MARCHF8: variants seen among roughly 807,000 people sequenced by gnomAD.
The protein encoded by MARCHF8 is E3 ubiquitin-protein ligase MARCHF8.
In MARCHF8, 40 loss-of-function variants were observed where a neutral mutation model predicts 51.6. The observed-to-expected ratio is 0.77, with a 90% CI of 0.60 to 1.01. The LOEUF (loss-of-function observed/expected upper bound fraction) is 1.01, where lower values mean the gene tolerates loss of function less well. Ranked by LOEUF, MARCHF8 falls within the 50% of genes least tolerant of loss-of-function variation. MARCHF8 has a pLI of 0.00. For missense variants in MARCHF8, 685 were observed against 708.6 expected (o/e 0.97, Z 0.38); for synonymous variants, 263 against 280.3 (o/e 0.94, Z 0.62).
intron 2 of MARCHF8, among the ~76,000 whole-genome samples, chr10:45,497,790 C>T (rs994799513): frequency 1.4e-4 from 22 of 152,044 alleles, no homozygotes; most frequent in African/African-American, 4.8e-4. Context: ...TAAAATAGTG[C>T]TTAGGGGGAT....
chr10:45,466,399 T>C (rs1332638349), intron 3 of MARCHF8, among the ~76,000 whole-genome samples: 2 of 152,208 alleles, frequency 1.3e-5, no homozygotes, highest in African/African-American at 2.4e-5. Context: ...TCACGGTGTA[T>C]TGCAGAGAAG....
chr10:45,458,000 T>C lies in MARCHF8; in HGVS notation c.*239A>G. 1 of 499,626 alleles carries C rather than the reference T, an allele frequency of 2.0e-6. No homozygotes were observed. The highest frequency in any genetic ancestry group is 3.5e-6 in the Non-Finnish European group (1 of 287,602). 30.9% of individuals were successfully genotyped at this position (499,626 alleles called of 1,614,324 possible). Reference sequence around the variant, plus strand: ...GGAACTCTGCTGGCTCCCCATGATGTCATCATGGGGTCTTCCACTTTCCCA... The same window carrying C: ...GGAACTCTGCTGGCTCCCCATGATGCCATCATGGGGTCTTCCACTTTCCCA... On this transcript the variant is annotated 3_prime_UTR_variant, in exon 8 of 8. Transcript: ENST00000453424.
chr10:45,504,794 G>A lies in MARCHF8; in HGVS notation c.103-15377C>T, dbSNP rs1321649684. ...TGTCAAGATTCATGTTCGCGTATCTGGCATGTTTAAAAGAAAAATATGCCA... is the reference window on the plus strand; with the variant it reads ...TGTCAAGATTCATGTTCGCGTATCTAGCATGTTTAAAAGAAAAATATGCCA... On this transcript the variant is annotated intron_variant, in intron 2 of 7. Transcript: ENST00000453424. Among the ~76,000 whole-genome samples the A allele has an allele frequency of 3.9e-5, 6 of 152,208 alleles. No individual in the cohort carries two copies. In the East Asian group the frequency reaches 7.7e-4, roughly 20 times the overall value.
At chr10:45,511,690 G>C (rs1248496505) in intron 2 of MARCHF8, among the ~76,000 whole-genome samples, 66 of 143,860 alleles carry the variant, frequency 4.6e-4, no homozygotes, top group African/African-American at 7.2e-4. Flanking sequence ...GATTGCAGAC[G>C]GAGTCTGGTT....
chr10:45,543,797 CAAAAAAAA>C (rs35514763), intron 1 of MARCHF8, among the ~76,000 whole-genome samples: 3 of 49,734 alleles, frequency 6.0e-5, no homozygotes, highest in Non-Finnish European at 1.1e-4. Flanking sequence ...GACTCCGTCT[CAAAAAAAA>C]AAAAAAAAAA....
At chr10:45,527,228 T>C (rs3103182) in intron 2 of MARCHF8, among the ~76,000 whole-genome samples, 97,807 of 151,808 alleles carry the variant, frequency 0.64, 32,004 homozygotes, top group Middle Eastern at 0.74. Flanking sequence ...CTCAAGGAAC[T>C]AGAAAAACAA....
chr10:45,488,329 AG>A (rs2133079317), intron 3 of MARCHF8, among the ~76,000 whole-genome samples: 1 of 152,266 alleles, frequency 6.6e-6, no homozygotes, highest in Non-Finnish European at 1.5e-5. Context: ...CTCAGCTAAC[AG>A]ACCTGTTAAT....
intron 2 of MARCHF8, among the ~76,000 whole-genome samples, chr10:45,497,100 C>G (rs777076104): frequency 1.3e-5 from 2 of 151,888 alleles, no homozygotes; most frequent in Non-Finnish European, 2.9e-5. Context: ...AAATTATAAA[C>G]AGGATTACAG....
chr10:45,534,892 G>A (rs1044208235), intron 1 of MARCHF8, among the ~76,000 whole-genome samples: 4 of 152,136 alleles, frequency 2.6e-5, no homozygotes, highest in East Asian at 1.9e-4. Context: ...CAGGAATCAC[G>A]AAATGGCTTC....
intron 3 of MARCHF8, 90 bp downstream of exon 3, chr10:45,489,277 C>CAAAA: frequency 3.9e-6 from 3 of 777,590 alleles, no homozygotes; most frequent in Non-Finnish European, 3.9e-6. Flanking sequence ...AACGTCTTTT[C>CAAAA]AAAAAAAAAA....
chr10:45,577,236 G>A (rs1392129412), intron 1 of MARCHF8, among the ~76,000 whole-genome samples: 1 of 151,812 alleles, frequency 6.6e-6, no homozygotes, highest in Non-Finnish European at 1.5e-5. Flanking sequence ...GTTAATGGGG[G>A]GCTGTGGGGA....
intron 1 of MARCHF8, among the ~76,000 whole-genome samples, chr10:45,590,626 G>GA (rs1297026814): frequency 1.3e-5 from 2 of 152,052 alleles, no homozygotes; most frequent in African/African-American, 4.8e-5. Context: ...AAAGTTGCAG[G>GA]AAAAAAAGTC....
At chr10:45,582,955 A>G (rs1301985128) in intron 1 of MARCHF8, among the ~76,000 whole-genome samples, 4 of 152,212 alleles carry the variant, frequency 2.6e-5, no homozygotes, top group African/African-American at 9.7e-5. Context: ...ACAGTCAGAG[A>G]GTGGGAAATG....
chr10:45,567,468 G>A (rs2044377788), intron 1 of MARCHF8, among the ~76,000 whole-genome samples: 2 of 152,174 alleles, frequency 1.3e-5, no homozygotes. Context: ...GTAAGAGATA[G>A]GGGTCTAGTT....
rs115145729 is a variant in MARCHF8, at chr10:45,525,790, G to A, written c.102+7320C>T. On this transcript the variant is annotated intron_variant, in intron 2 of 7. Transcript: ENST00000453424. ...AAACCTATAACCCTAGTCTAGTCAT[G>A]AGAAAAATATCAGACAATTCCCATA... is the stretch of plus-strand genomic sequence containing the variant. Among the ~76,000 whole-genome samples the A allele has an allele frequency of 5.6e-3, 851 of 152,282 alleles. 6 individuals are homozygous for A. Among genetic ancestry groups the A allele is most frequent in the African/African-American group, 0.019 (807 of 41,548 alleles).
chr10:45,559,649 G>A (rs2133361868), intron 1 of MARCHF8, among the ~76,000 whole-genome samples: 1 of 152,206 alleles, frequency 6.6e-6, no homozygotes, highest in East Asian at 1.9e-4. Context: ...AAATAAACAT[G>A]AACATTAAAT....
intron 3 of MARCHF8, among the ~76,000 whole-genome samples, chr10:45,486,251 A>G (rs2042977091): frequency 6.6e-6 from 1 of 152,174 alleles, no homozygotes; most frequent in Admixed American, 6.5e-5. Flanking sequence ...GTCCAGTCGC[A>G]AACAGCACAC....
At chr10:45,592,778 T>C (rs953125576) in intron 1 of MARCHF8, among the ~76,000 whole-genome samples, 6 of 152,316 alleles carry the variant, frequency 3.9e-5, no homozygotes, top group East Asian at 1.9e-4. Flanking sequence ...GACAAAAATG[T>C]TGGAGCTAAG....
In MARCHF8 at chr10:45,458,403, C is replaced by A; in HGVS notation, c.1558G>T (p.Val520Phe). 6.2e-7 allele frequency: 1 copy of A among 1,614,132 alleles called. No homozygotes were observed. The highest frequency in any genetic ancestry group is 2.2e-5 in the East Asian group (1 of 44,882). ...TTGCTTGTTTCTGGACAGTTTTGAACATAGATCACTCTATTATAGGCCTTG... is the reference window on the plus strand; with the variant it reads ...TTGCTTGTTTCTGGACAGTTTTGAAAATAGATCACTCTATTATAGGCCTTG... ...RLKAYNRVIY[V>F]QNCPETSKKN... is the part of the protein sequence containing the mutation. The change falls in exon 8 of 8, where the codon GTT becomes TTT. Residue 520 changes from valine to phenylalanine, a missense_variant. Coordinates refer to ENST00000453424, the MANE Select transcript of MARCHF8 (RefSeq NM_001282866.2).
Sources: allele counts gnomAD v4.1 joint callset (sites outside exome capture counted in the v4.1 genomes callset), GRCh38; gene constraint gnomAD v4.1.1; transcripts MANE v1.5; gene names NCBI Gene and HGNC (gene_info 2026-07-23, HGNC 2026-07-21).